Variants in TRIM71 observed in about 807,000 individuals in gnomAD.
TRIM71 encodes the protein E3 ubiquitin-protein ligase TRIM71.
Under a neutral mutation model 61.2 loss-of-function variants are expected in TRIM71, and 9 were observed. The observed-to-expected ratio is 0.15, with a 90% CI of 0.09 to 0.26. The LOEUF (loss-of-function observed/expected upper bound fraction) is 0.26. TRIM71 is among the 10% of genes least tolerant of loss of function. TRIM71 has a pLI of 1.00. For missense variants in TRIM71, 998 were observed against 1,238.7 expected (o/e 0.81, Z 2.92); for synonymous variants, 645 against 553.2 (o/e 1.17, Z -2.33).
chr3:32,824,713 A>T (rs372306186), intron 1 of TRIM71, among the ~76,000 whole-genome samples: 1 of 152,106 alleles, frequency 6.6e-6, no homozygotes, highest in Non-Finnish European at 1.5e-5. Flanking sequence ...CAAACTCCCA[A>T]GGTCAAGCGA....
At chr3:32,886,520 C>T (rs546895955) in intron 3 of TRIM71, among the ~76,000 whole-genome samples, 6 of 151,980 alleles carry the variant, frequency 3.9e-5, no homozygotes, top group African/African-American at 1.4e-4. Flanking sequence ...GAAAGAGTGC[C>T]GAGCACACTA....
chr3:32,824,233 G>A (rs529657793), intron 1 of TRIM71, among the ~76,000 whole-genome samples: 6 of 150,790 alleles, frequency 4.0e-5, no homozygotes, highest in Admixed American at 2.0e-4. Flanking sequence ...GCTGGAGTGC[G>A]GTGGTGCAGT....
chr3:32,850,792 C>T (rs922293146), intron 1 of TRIM71, among the ~76,000 whole-genome samples: 1 of 152,064 alleles, frequency 6.6e-6, no homozygotes, highest in African/African-American at 2.4e-5. Flanking sequence ...CTGCCCTATC[C>T]GCCTGTTTCT....
At chr3:32,821,673 C>CTGCG (rs1171033602) in intron 1 of TRIM71, among the ~76,000 whole-genome samples, 1 of 152,184 alleles carries the variant, frequency 6.6e-6, no homozygotes, top group Non-Finnish European at 1.5e-5. Context: ...TCCGAAAGGC[C>CTGCG]TGCAGGCTCC....
rs1408199288 is a variant in TRIM71, at chr3:32,894,503, T to C, written c.*2692T>C. 2.0e-5 allele frequency: 3 copies of C among 152,220 alleles called. No individual in the cohort carries two copies. The highest frequency in any genetic ancestry group is 7.2e-5 in the African/African-American group (3 of 41,450). 9.4% of individuals were successfully genotyped at this position (152,220 alleles called of 1,614,324 possible). On this transcript the variant is annotated 3_prime_UTR_variant, in exon 4 of 4. Transcript: ENST00000383763. ...AGAACTATCCCCTGAAATAGGTGTGTAGGTCAGAGATACTACCTCTTTGTC... is the reference window on the plus strand; with the variant it reads ...AGAACTATCCCCTGAAATAGGTGTGCAGGTCAGAGATACTACCTCTTTGTC...
chr3:32,864,622 A>G (rs1017766527), intron 1 of TRIM71, among the ~76,000 whole-genome samples: 1 of 152,240 alleles, frequency 6.6e-6, no homozygotes, highest in Non-Finnish European at 1.5e-5. Context: ...CAGGATGTCA[A>G]CAGGGTCCTG....
In TRIM71 at chr3:32,830,524, G is replaced by A. The variant is rs552800339; in HGVS notation, c.852+11592G>A. ...TCTATTCCAGATTGCCGGGAATGGA[G>A]CTCATCTCCTGCTCCTGTCCCCATA... On this transcript the variant is annotated intron_variant, in intron 1 of 3. Coordinates refer to ENST00000383763, the MANE Select transcript of TRIM71 (RefSeq NM_001039111.3). 6.6e-5 allele frequency among the ~76,000 whole-genome samples: 10 copies of A among 152,270 alleles called. 1 individual carries two copies. In the South Asian group the frequency reaches 1.5e-3, roughly 22 times the overall value.
intron 1 of TRIM71, among the ~76,000 whole-genome samples, chr3:32,838,305 ACCT>A (rs911578268): frequency 6.6e-6 from 1 of 151,396 alleles, no homozygotes; most frequent in African/African-American, 2.4e-5. Context: ...GTTCACCGCA[ACCT>A]CCTCTTCCCA....
chr3:32,848,148 GT>G (rs1696496600), intron 1 of TRIM71, among the ~76,000 whole-genome samples: 1 of 152,174 alleles, frequency 6.6e-6, no homozygotes, highest in Non-Finnish European at 1.5e-5. Flanking sequence ...ACTTAATACT[GT>G]GTGACCTCAT....
At chr3:32,822,950 T>C (rs1696158044) in intron 1 of TRIM71, among the ~76,000 whole-genome samples, 1 of 152,182 alleles carries the variant, frequency 6.6e-6, no homozygotes, top group Non-Finnish European at 1.5e-5. Flanking sequence ...AAAAAAATTT[T>C]TTTAAAGGAA....
At chr3:32,878,215 A>G (rs1696870423) in intron 2 of TRIM71, among the ~76,000 whole-genome samples, 1 of 152,248 alleles carries the variant, frequency 6.6e-6, no homozygotes, top group Non-Finnish European at 1.5e-5. Flanking sequence ...GTGCATCTCT[A>G]GCAGAGTCTT....
chr3:32,841,998 C>T lies in TRIM71; in HGVS notation c.852+23066C>T, dbSNP rs1298647127. 4.6e-5 allele frequency among the ~76,000 whole-genome samples: 7 copies of T among 152,264 alleles called. No individual in the cohort carries two copies. In the East Asian group the frequency reaches 7.7e-4, roughly 17 times the overall value. On this transcript the variant is annotated intron_variant, in intron 1 of 3. Coordinates refer to ENST00000383763, the MANE Select transcript of TRIM71 (RefSeq NM_001039111.3). ...CCATACACCTAGGAACAACTCCACT[C>T]GCTTCTGAGCACCTGTCTCTACCTG...
intron 2 of TRIM71, among the ~76,000 whole-genome samples, chr3:32,875,343 T>TG (rs1480328930): frequency 6.6e-6 from 1 of 152,216 alleles, no homozygotes; most frequent in Non-Finnish European, 1.5e-5. Flanking sequence ...GGTGATAGTG[T>TG]GCCTGAATTT....
intron 1 of TRIM71, among the ~76,000 whole-genome samples, chr3:32,857,771 G>T (rs1696621537): frequency 6.6e-6 from 1 of 152,196 alleles, no homozygotes; most frequent in Non-Finnish European, 1.5e-5. Flanking sequence ...AGGAGTTCAA[G>T]ACCAGCCTGG....
chr3:32,836,926 T>C (rs1338031215), intron 1 of TRIM71, among the ~76,000 whole-genome samples: 1 of 152,210 alleles, frequency 6.6e-6, no homozygotes, highest in Non-Finnish European at 1.5e-5. Flanking sequence ...TAGGTCTTGT[T>C]ACAAACGACC....
rs372306186 is a variant in TRIM71, at chr3:32,824,713, A to G, written c.852+5781A>G. Among the ~76,000 whole-genome samples, 51 of 152,224 alleles carry G rather than the reference A, an allele frequency of 3.4e-4. No individual in the cohort carries two copies. In the South Asian group the frequency reaches 1.0e-2, roughly 30 times the overall value. On this transcript the variant is annotated intron_variant, in intron 1 of 3. Transcript: ENST00000383763. ...TGCCCAGGCTGGTCTCAAACTCCCA[A>G]GGTCAAGCGACCTGCCTACCTAGGC... is the stretch of plus-strand genomic sequence containing the variant.
chr3:32,868,291 C>CG, intron 1 of TRIM71, among the ~76,000 whole-genome samples: 1 of 152,230 alleles, frequency 6.6e-6, no homozygotes, highest in East Asian at 1.9e-4. Context: ...AAAAAGAATT[C>CG]GGGAATTCTT....
At chr3:32,867,437 G>T (rs1391738926) in intron 1 of TRIM71, among the ~76,000 whole-genome samples, 1 of 152,134 alleles carries the variant, frequency 6.6e-6, no homozygotes, top group Admixed American at 6.5e-5. Flanking sequence ...TTGTGTGTGT[G>T]TGTATGTGTG....
At chr3:32,829,501 G>C (rs762987097) in intron 1 of TRIM71, among the ~76,000 whole-genome samples, 2 of 152,144 alleles carry the variant, frequency 1.3e-5, no homozygotes, top group Non-Finnish European at 2.9e-5. Context: ...TTAAAGCCAA[G>C]ATATTGTGTG....
Sources: gnomAD v4.1 joint callset for allele counts (sites outside exome capture counted in the v4.1 genomes callset) on GRCh38, gnomAD v4.1.1 for gene constraint, MANE v1.5 for transcripts, NCBI Gene and HGNC (gene_info 2026-07-23, HGNC 2026-07-21) for gene names.